RELN: variants seen among roughly 807,000 people sequenced by gnomAD.
RELN encodes the protein reelin.
A neutral mutation model predicts 427.6 loss-of-function variants in RELN; 108 were observed. The ratio of observed to expected loss-of-function variants is 0.25; its 90% CI spans 0.22 to 0.30. The LOEUF (loss-of-function observed/expected upper bound fraction) is 0.30, where lower values mean the gene tolerates loss of function less well. Ranked by LOEUF, RELN falls within the 10% of genes least tolerant of loss-of-function variation. The pLI is 1.00. For missense variants in RELN, 3,715 were observed against 4,302.8 expected, an observed-to-expected ratio of 0.86 and a Z score of 3.82; for synonymous variants, 1,524 against 1,513.4, an observed-to-expected ratio of 1.01 and a Z score of -0.16.
At chr7:103,771,931 C>T (rs1054934331) in intron 4 of RELN, among the ~76,000 whole-genome samples, 3 of 152,148 alleles carry the variant, frequency 2.0e-5, no homozygotes, top group Non-Finnish European at 4.4e-5. Flanking sequence ...ACACATTCCA[C>T]CCCCAACCCC....
intron 1 of RELN, among the ~76,000 whole-genome samples, chr7:103,961,449 C>T (rs896980366): frequency 3.3e-5 from 5 of 152,142 alleles, no homozygotes; most frequent in Middle Eastern, 3.4e-3. Context: ...AACAAGAAAA[C>T]GGGCAAGACA....
At chr7:103,488,176 A>C (rs150764041) in intron 60 of RELN, among the ~76,000 whole-genome samples, 2 of 152,294 alleles carry the variant, frequency 1.3e-5, no homozygotes, top group East Asian at 3.9e-4. Flanking sequence ...TTCAGTAATG[A>C]AGCTGGGATA....
Position 103,593,889 on chromosome 7 carries a change from G to T in RELN, c.3712-7C>A, listed in dbSNP as rs1240051573. 4 of 1,604,598 alleles carry T rather than the reference G, an allele frequency of 2.5e-6. No homozygotes were observed. Among genetic ancestry groups the T allele is most frequent in the Non-Finnish European group, 3.4e-6 (4 of 1,172,102 alleles). On this transcript the variant is annotated splice_region_variant and splice_polypyrimidine_tract_variant and intron_variant, in intron 26 of 64. Transcript: ENST00000428762. ...CTGGCTTCTCATAAAAGTTCTAATAGAAACAATACAAATAAAACAAAAGGC... is the reference window on the plus strand; with the variant it reads ...CTGGCTTCTCATAAAAGTTCTAATATAAACAATACAAATAAAACAAAAGGC...
At chr7:103,936,910 CAA>C (rs1485277298) in intron 1 of RELN, among the ~76,000 whole-genome samples, 1 of 152,138 alleles carries the variant, frequency 6.6e-6, no homozygotes, top group Admixed American at 6.6e-5. Flanking sequence ...TTAATGTTAT[CAA>C]AAGTTAGCAT....
chr7:103,964,462 C>G (rs752749481), intron 1 of RELN, among the ~76,000 whole-genome samples: 5 of 152,162 alleles, frequency 3.3e-5, no homozygotes, highest in Non-Finnish European at 7.4e-5. Context: ...CCAACCACCA[C>G]CAATGGATGA....
chr7:103,797,883 A>T (rs1490762107), intron 3 of RELN, among the ~76,000 whole-genome samples: 9 of 152,212 alleles, frequency 5.9e-5, no homozygotes, highest in Non-Finnish European at 1.2e-4. Context: ...CTGTGCAGCT[A>T]TGTGTAATTA....
chr7:103,787,571 C>T (rs996736651), intron 3 of RELN, among the ~76,000 whole-genome samples: 10 of 152,148 alleles, frequency 6.6e-5, no homozygotes, highest in Non-Finnish European at 1.2e-4. Context: ...CACAAATAAA[C>T]TAGAAAATCT....
chr7:103,728,775 A>C lies in RELN; in HGVS notation c.657-568T>G, dbSNP rs1790277399. Among the ~76,000 whole-genome samples the C allele has an allele frequency of 2.0e-5, 3 of 152,274 alleles. No individual in the cohort carries two copies. The South Asian group carries it at 6.2e-4, about 32-fold the overall frequency. On this transcript the variant is annotated intron_variant, in intron 6 of 64. Transcript: ENST00000428762. Reference sequence around the variant, plus strand: ...AAATGTTTAAAATGACTGTCCTCAAACAAATCTGCATGTATACGTTCCACC... The same window carrying C: ...AAATGTTTAAAATGACTGTCCTCAACCAAATCTGCATGTATACGTTCCACC...
intron 20 of RELN, among the ~76,000 whole-genome samples, chr7:103,622,973 T>C (rs1832253525): frequency 6.6e-6 from 1 of 152,190 alleles, no homozygotes; most frequent in Non-Finnish European, 1.5e-5. Flanking sequence ...AATTAGTCTA[T>C]CAATAAATGA....
At chr7:103,482,614 A>G (rs920891796) in intron 63 of RELN, among the ~76,000 whole-genome samples, 10 of 152,210 alleles carry the variant, frequency 6.6e-5, no homozygotes, top group Admixed American at 3.9e-4. Flanking sequence ...GTTTTATCCA[A>G]TTTAACCAAT....
intron 2 of RELN, among the ~76,000 whole-genome samples, chr7:103,846,260 C>T (rs991280037): frequency 1.3e-5 from 2 of 152,062 alleles, no homozygotes; most frequent in African/African-American, 4.8e-5. Flanking sequence ...ACAGCAGAGG[C>T]CTCAGAAATA....
At chr7:103,628,494 A>G (rs1832378894) in intron 20 of RELN, 1 of 152,240 alleles carries the variant, frequency 6.6e-6, no homozygotes, top group Non-Finnish European at 1.5e-5. Flanking sequence ...GCTTGCAGCA[A>G]AAGTGACCAG....
At chr7:103,884,092 C>A (rs567014472) in intron 2 of RELN, among the ~76,000 whole-genome samples, 1 of 152,072 alleles carries the variant, frequency 6.6e-6, no homozygotes, top group Non-Finnish European at 1.5e-5. Context: ...ATATACAGAC[C>A]AATGGAACTT....
At chr7:103,731,594 C>T (rs1188476439) in intron 6 of RELN, among the ~76,000 whole-genome samples, 1 of 152,066 alleles carries the variant, frequency 6.6e-6, no homozygotes, top group Non-Finnish European at 1.5e-5. Flanking sequence ...GGGAGTCAAA[C>T]TCTAATTATT....
At chr7:103,960,195 A>G (rs1796519684) in intron 1 of RELN, among the ~76,000 whole-genome samples, 1 of 152,192 alleles carries the variant, frequency 6.6e-6, no homozygotes, top group African/African-American at 2.4e-5. Flanking sequence ...GAGACTCTAC[A>G]TTATTGGCTC....
chr7:103,868,510 T>C (rs557903088), intron 2 of RELN, among the ~76,000 whole-genome samples: 141 of 152,252 alleles, frequency 9.3e-4, no homozygotes, highest in African/African-American at 3.2e-3. Flanking sequence ...GTCCTTAGTT[T>C]AATTATTTGT....
At chr7:103,618,359 C>T (rs537466378) in intron 20 of RELN, among the ~76,000 whole-genome samples, 1 of 151,710 alleles carries the variant, frequency 6.6e-6, no homozygotes, top group Admixed American at 6.6e-5. Context: ...CCACCTGTTA[C>T]TCGTCTCTAG....
intron 8 of RELN, among the ~76,000 whole-genome samples, chr7:103,703,509 C>T (rs2115809537): frequency 6.6e-6 from 1 of 152,284 alleles, no homozygotes; most frequent in Non-Finnish European, 1.5e-5. Context: ...TGTACCCAGA[C>T]ACTGTGACAC....
rs1829089680 is a variant in RELN at position 103,503,115 on chromosome 7, T to C, written c.8390A>G (p.Asp2797Gly). 1.2e-6 allele frequency: 2 copies of C among 1,614,132 alleles called. No individual in the cohort carries two copies. The highest frequency in any genetic ancestry group is 1.7e-6 in the Non-Finnish European group (2 of 1,180,032). The stretch of plus-strand genomic sequence containing the variant: ...AGAAACACTTCCAGAGCATTTTGGG[T>C]CAGCAGGCAAGCACTGAGGGACCAG... ...NYLVPQCLPA[D>G]PKCSGSVSQP... is the part of the protein sequence containing the mutation. The change falls in exon 52 of 65, where the codon GAC (aspartate) becomes GGC (glycine). Residue 2797 changes from aspartate (D) to glycine (G), a missense_variant. Asp to Gly is a moderately conservative substitution (Grantham distance 94). Coordinates refer to ENST00000428762, the MANE Select transcript of RELN (RefSeq NM_005045.4).
Sources: allele counts gnomAD v4.1 joint callset (sites outside exome capture counted in the v4.1 genomes callset), GRCh38; gene constraint gnomAD v4.1.1; transcripts MANE v1.5; gene names NCBI Gene and HGNC (gene_info 2026-07-23, HGNC 2026-07-21).